SEC63: variants seen among roughly 807,000 people sequenced by gnomAD.
The protein encoded by SEC63 is translocation protein SEC63 homolog.
SEC63 carries 56 observed loss-of-function variants against 116.2 expected under a neutral mutation model. That is an observed-to-expected ratio of 0.48 (90% CI 0.39 to 0.60). SEC63 has a LOEUF of 0.60. Ranked by LOEUF, SEC63 falls within the 20% of genes least tolerant of loss-of-function variation. The pLI is 0.00. For synonymous variants in SEC63, 273 were observed against 294.6 expected (o/e 0.93, Z 0.75); for missense variants, 668 against 900.0 (o/e 0.74, Z 3.30).
intron 13 of SEC63, among the ~76,000 whole-genome samples, chr6:107,899,311 A>G (rs1425417615): frequency 6.6e-6 from 1 of 152,238 alleles, no homozygotes; most frequent in East Asian, 1.9e-4. Context: ...TAAACTGTCT[A>G]TCCAAGATGC....
chr6:107,875,028 T>C (rs1378885871), intron 19 of SEC63, among the ~76,000 whole-genome samples: 2 of 152,078 alleles, frequency 1.3e-5, no homozygotes, highest in Non-Finnish European at 2.9e-5. Flanking sequence ...GGATTTTGTT[T>C]TTGTTTTTGT....
intron 13 of SEC63, among the ~76,000 whole-genome samples, chr6:107,899,742 A>T (rs1469002062): frequency 6.6e-6 from 1 of 152,166 alleles, no homozygotes; most frequent in Non-Finnish European, 1.5e-5. Context: ...AGAAAAGAAA[A>T]GAAAAGGGTA....
rs377747075 is a variant in SEC63 at position 107,942,690 on chromosome 6, C to T, written c.125-13176G>A. Among the ~76,000 whole-genome samples the T allele has an allele frequency of 4.3e-4, 65 of 152,294 alleles. No homozygotes were observed. In the East Asian group the frequency reaches 6.8e-3, roughly 16 times the overall value. ...AACTTTTGGCTCCCCCAAAACTTAA[C>T]TACTAATAGCCTACCGTTGACTGGA... On this transcript the variant is annotated intron_variant, in intron 1 of 20. Coordinates refer to ENST00000369002, the MANE Select transcript of SEC63 (RefSeq NM_007214.5).
chr6:107,909,880 A>G (rs149441968), intron 7 of SEC63, among the ~76,000 whole-genome samples: 1 of 152,346 alleles, frequency 6.6e-6, no homozygotes, highest in Non-Finnish European at 1.5e-5. Context: ...ACAAGTCACA[A>G]AAGTAACAAA....
At chr6:107,917,173 G>C (rs1484306451) in intron 4 of SEC63, among the ~76,000 whole-genome samples, 1 of 152,200 alleles carries the variant, frequency 6.6e-6, no homozygotes, top group Non-Finnish European at 1.5e-5. Context: ...TCCTGCTGCA[G>C]TTAACTAGCC....
intron 1 of SEC63, among the ~76,000 whole-genome samples, chr6:107,955,230 C>T (rs1236184755): frequency 6.6e-6 from 1 of 152,152 alleles, no homozygotes; most frequent in Admixed American, 6.5e-5. Context: ...GGCACGATCT[C>T]GGCTCATTGC....
intron 1 of SEC63, among the ~76,000 whole-genome samples, chr6:107,931,643 G>A (rs1269600244): frequency 2.0e-5 from 3 of 151,548 alleles, no homozygotes; most frequent in Non-Finnish European, 1.5e-5. Context: ...CAGCTACTCG[G>A]GAGGCTGAGG....
chr6:107,949,366 G>T (rs1032155362), intron 1 of SEC63, among the ~76,000 whole-genome samples: 83 of 152,256 alleles, frequency 5.5e-4, no homozygotes, highest in African/African-American at 2.0e-3. Context: ...TGAGATGTGA[G>T]CAGTGGCTCA....
rs190242037 is a variant in SEC63 at position 107,913,517 on chromosome 6, C to T, written c.453-90G>A. The T allele has an allele frequency of 1.5e-3, 1,342 of 892,606 alleles. 6 individuals carry two copies. The highest frequency in any genetic ancestry group is 9.7e-4 in the Non-Finnish European group (512 of 526,054). The allele number at this position is 892,606 out of a possible 1,614,324, so 55.3% of individuals were successfully genotyped here. On this transcript the variant is annotated intron_variant, in intron 4 of 20. Coordinates refer to ENST00000369002, the MANE Select transcript of SEC63 (RefSeq NM_007214.5). Reference sequence around the variant, plus strand: ...GACAAACTCCATTAGCCAACCAACTCATTTCTTAGAAGATACTGATTCCAT... The same window carrying T: ...GACAAACTCCATTAGCCAACCAACTTATTTCTTAGAAGATACTGATTCCAT...
chr6:107,935,694 T>C (rs1023303996), intron 1 of SEC63, among the ~76,000 whole-genome samples: 11 of 149,912 alleles, frequency 7.3e-5, no homozygotes, highest in Admixed American at 4.0e-4. Context: ...CCAGAGACCT[T>C]TGTTCACTTG....
At chr6:107,917,731 G>A (rs1787443113) in intron 4 of SEC63, among the ~76,000 whole-genome samples, 1 of 152,198 alleles carries the variant, frequency 6.6e-6, no homozygotes, top group Non-Finnish European at 1.5e-5. Context: ...TTAAACCAAA[G>A]CCTAATCCAA....
chr6:107,951,394 C>T (rs1374241782), intron 1 of SEC63, among the ~76,000 whole-genome samples: 4 of 152,130 alleles, frequency 2.6e-5, no homozygotes, highest in African/African-American at 4.8e-5. Context: ...CAGAACTTTA[C>T]GTTACTGTTC....
At chr6:107,921,185 C>T (rs766329495) in intron 4 of SEC63, among the ~76,000 whole-genome samples, 10 of 151,428 alleles carry the variant, frequency 6.6e-5, no homozygotes, top group Non-Finnish European at 1.3e-4. Context: ...ACAAGAGAAA[C>T]AGATCAAGCC....
chr6:107,916,610 A>G (rs1787405913), intron 4 of SEC63, among the ~76,000 whole-genome samples: 1 of 152,214 alleles, frequency 6.6e-6, no homozygotes, highest in Non-Finnish European at 1.5e-5. Context: ...GCATCAAGCA[A>G]TTCTATCAGT....
intron 2 of SEC63, among the ~76,000 whole-genome samples, chr6:107,927,973 G>C (rs942328929): frequency 1.3e-5 from 2 of 152,072 alleles, no homozygotes; most frequent in Non-Finnish European, 1.5e-5. Flanking sequence ...ACAGTTGGGT[G>C]AATCTTCCCA....
chr6:107,921,763 T>C (rs1341111209), intron 4 of SEC63, 34 bp downstream of exon 4: 2 of 1,335,130 alleles, frequency 1.5e-6, no homozygotes, highest in African/African-American at 2.9e-5. Flanking sequence ...ATCTGTACCA[T>C]TCTTAAAAAT....
At chr6:107,892,997 A>G (rs189483168) in intron 16 of SEC63, among the ~76,000 whole-genome samples, 108 of 152,296 alleles carry the variant, frequency 7.1e-4, no homozygotes, top group Non-Finnish European at 3.1e-4. Flanking sequence ...GCCATGTATA[A>G]GAATAAGCAT....
At chr6:107,948,704 GC>G (rs1443907333) in intron 1 of SEC63, among the ~76,000 whole-genome samples, 1 of 151,898 alleles carries the variant, frequency 6.6e-6, no homozygotes, top group African/African-American at 2.4e-5. Flanking sequence ...CCCTCCTGAT[GC>G]CCCCCACCAT....
At chr6:107,881,041 T>C in intron 18 of SEC63, 108 bp downstream of exon 18, 1 of 801,424 alleles carries the variant, frequency 1.2e-6, no homozygotes, top group Non-Finnish European at 2.2e-6. Context: ...TAGACCACAT[T>C]TAGCACATAT....
Sources: allele counts gnomAD v4.1 joint callset (sites outside exome capture counted in the v4.1 genomes callset), GRCh38; gene constraint gnomAD v4.1.1; transcripts MANE v1.5; gene names NCBI Gene and HGNC (gene_info 2026-07-23, HGNC 2026-07-21).